The following CELF4 variants were observed in gnomAD, a reference collection of about 807,000 sequenced individuals.
CELF4 encodes CUGBP Elav-like family member 4.
Under a neutral mutation model 59.9 loss-of-function variants are expected in CELF4, and 18 were observed. That is an observed-to-expected ratio of 0.30 (90% confidence interval 0.21 to 0.45). The LOEUF is 0.45. CELF4 is among the 20% of genes least tolerant of loss of function. The pLI, the probability that CELF4 is intolerant of heterozygous loss-of-function variation, is 1.00. For missense variants in CELF4, 456 were observed against 689.0 expected, an observed-to-expected ratio of 0.66 and a Z score of 3.79; for synonymous variants, 261 against 267.1, an observed-to-expected ratio of 0.98 and a Z score of 0.22.
intron 1 of CELF4, among the ~76,000 whole-genome samples, 197 bp downstream of exon 1, chr18:37,565,154 TCGCCC>T (rs2099987834): frequency 6.6e-6 from 1 of 152,026 alleles, no homozygotes; most frequent in Non-Finnish European, 1.5e-5. Flanking sequence ...TATCAGCACC[TCGCCC>T]AAAACCCAGT....
intron 2 of CELF4, among the ~76,000 whole-genome samples, chr18:37,348,452 C>T (rs114897549): frequency 0.013 from 1,974 of 152,254 alleles, 44 homozygotes; most frequent in African/African-American, 0.044. Flanking sequence ...TCACATCAGG[C>T]GCTTCCGGGC....
chr18:37,274,661 G>C (rs1207230362), intron 5 of CELF4, 144 bp downstream of exon 5: 1 of 1,482,044 alleles, frequency 6.7e-7, no homozygotes, highest in South Asian at 1.3e-5. Context: ...ACATCCCTGG[G>C]CTTCCGCGTC....
At chr18:37,408,495 G>GT in intron 2 of CELF4, among the ~76,000 whole-genome samples, 1 of 122,152 alleles carries the variant, frequency 8.2e-6, no homozygotes, top group African/African-American at 3.0e-5. Context: ...TTGGTGCCGG[G>GT]GGGGGGCGCG....
intron 1 of CELF4, among the ~76,000 whole-genome samples, chr18:37,518,573 A>G (rs990267942): frequency 3.3e-5 from 5 of 152,108 alleles, no homozygotes; most frequent in African/African-American, 1.2e-4. Flanking sequence ...AGCCACCGTG[A>G]GCTTGGATGT....
chr18:37,290,585 G>A (rs954002893), intron 3 of CELF4, among the ~76,000 whole-genome samples: 1 of 152,102 alleles, frequency 6.6e-6, no homozygotes, highest in Non-Finnish European at 1.5e-5. Flanking sequence ...CAGGCCTAGC[G>A]CATCTCACCC....
intron 2 of CELF4, among the ~76,000 whole-genome samples, chr18:37,428,994 A>T (rs1046413004): frequency 2.6e-5 from 4 of 152,134 alleles, no homozygotes; most frequent in African/African-American, 9.7e-5. Flanking sequence ...GTGGTTCCCA[A>T]TAATGTTTGC....
intron 2 of CELF4, among the ~76,000 whole-genome samples, chr18:37,478,029 T>A (rs944994156): frequency 5.3e-5 from 8 of 152,198 alleles, no homozygotes; most frequent in Non-Finnish European, 1.0e-4. Flanking sequence ...GAGAGACATA[T>A]CTGACCCACG....
intron 1 of CELF4, among the ~76,000 whole-genome samples, chr18:37,499,624 C>T (rs1243443003): frequency 1.3e-5 from 2 of 152,212 alleles, no homozygotes; most frequent in Admixed American, 1.3e-4. Flanking sequence ...CAGGGCTGGC[C>T]CCTCTGCATG....
chr18:37,549,149 C>A (rs1374954086), intron 1 of CELF4, among the ~76,000 whole-genome samples: 1 of 152,208 alleles, frequency 6.6e-6, no homozygotes. Context: ...GTGCCCAAAG[C>A]CAGATTTATT....
chr18:37,532,532 G>C (rs1416871484), intron 1 of CELF4, among the ~76,000 whole-genome samples: 1 of 151,984 alleles, frequency 6.6e-6, no homozygotes, highest in African/African-American at 2.4e-5. Context: ...GCCTCTTTGA[G>C]GGAAACAGGA....
intron 3 of CELF4, among the ~76,000 whole-genome samples, chr18:37,314,999 G>C (rs1479979150): frequency 1.3e-5 from 2 of 152,082 alleles, no homozygotes; most frequent in East Asian, 3.9e-4. Flanking sequence ...CTATGCAATC[G>C]GGCCCGATTC....
chr18:37,320,501 C>T (rs1464840348), intron 3 of CELF4, among the ~76,000 whole-genome samples: 1 of 152,294 alleles, frequency 6.6e-6, no homozygotes, highest in African/African-American at 2.4e-5. Flanking sequence ...GAAGCCACCG[C>T]CCGTCTGTCC....
rs138625570 is a variant in CELF4, at chr18:37,274,360, A to T, written c.752T>A (p.Phe251Tyr). Reference sequence around the variant, plus strand: ...CCCGAAAGGGATGGCCATGGGGTTGAACATGCCCATCTGGCCAGCCATCTG... The same window carrying T: ...CCCGAAAGGGATGGCCATGGGGTTGTACATGCCCATCTGGCCAGCCATCTG... Reference protein sequence around the residue: ...MQQMAGQMGMFNPMAIPFGAY... With the variant: ...MQQMAGQMGMYNPMAIPFGAY... The change falls in exon 6 of 13, where the codon TTC (phenylalanine) becomes TAC (tyrosine). Residue 251 changes from phenylalanine (F) to tyrosine (Y), a missense_variant. Phe to Tyr is a conservative substitution (Grantham distance 22, BLOSUM62 3). Transcript: ENST00000420428. The T allele has an allele frequency of 2.5e-6, 4 of 1,613,458 alleles. No individual in the cohort carries two copies. In the African/African-American group the frequency reaches 5.3e-5, roughly 22 times the overall value.
chr18:37,320,886 G>A (rs1187841851), intron 3 of CELF4, among the ~76,000 whole-genome samples: 2 of 152,200 alleles, frequency 1.3e-5, no homozygotes, highest in Non-Finnish European at 2.9e-5. Flanking sequence ...GATGGGCTCT[G>A]TATCACTGGG....
intron 1 of CELF4, among the ~76,000 whole-genome samples, chr18:37,507,670 A>C (rs2099939604): frequency 6.6e-6 from 1 of 152,194 alleles, no homozygotes; most frequent in Non-Finnish European, 1.5e-5. Context: ...CAGCTGTGAG[A>C]GAGCAGACCT....
chr18:37,299,405 G>T (rs1449479978), intron 3 of CELF4, among the ~76,000 whole-genome samples: 2 of 152,346 alleles, frequency 1.3e-5, no homozygotes, highest in Middle Eastern at 3.4e-3. Context: ...TCTGGGCAGG[G>T]ATGCTCCTGG....
At chr18:37,506,177 C>T (rs193018682) in intron 1 of CELF4, among the ~76,000 whole-genome samples, 47 of 152,294 alleles carry the variant, frequency 3.1e-4, no homozygotes, top group African/African-American at 9.9e-4. Flanking sequence ...TCTTGAAGCC[C>T]GCGATGCTCC....
intron 1 of CELF4, among the ~76,000 whole-genome samples, chr18:37,553,951 C>T (rs1331676629): frequency 6.6e-6 from 1 of 152,142 alleles, no homozygotes; most frequent in Non-Finnish European, 1.5e-5. Flanking sequence ...AGGAACCCTC[C>T]CCTCACACGC....
intron 2 of CELF4, among the ~76,000 whole-genome samples, chr18:37,479,832 A>C (rs2099861310): frequency 6.6e-6 from 1 of 152,214 alleles, no homozygotes; most frequent in African/African-American, 2.4e-5. Context: ...GCAGATGATC[A>C]AGTTAAGACG....
Sources: allele counts gnomAD v4.1 joint callset (sites outside exome capture counted in the v4.1 genomes callset), GRCh38; gene constraint gnomAD v4.1.1; transcripts MANE v1.5; gene names NCBI Gene and HGNC (gene_info 2026-07-23, HGNC 2026-07-21).